MAPK4: variants seen among roughly 807,000 people sequenced by gnomAD.
MAPK4 encodes the protein mitogen-activated protein kinase 4.
A neutral mutation model predicts 47.7 loss-of-function variants in MAPK4; 22 were observed. That is an observed-to-expected ratio of 0.46 (90% CI 0.33 to 0.66). MAPK4 has a LOEUF of 0.66. Among genes scored for constraint, MAPK4 ranks in the 30% least tolerant of loss-of-function variants. MAPK4 has a pLI of 0.02. For missense variants in MAPK4, 736 were observed against 831.7 expected (o/e 0.88, Z 1.42); for synonymous variants, 390 against 365.7 (o/e 1.07, Z -0.76).
Position 50,676,662 on chromosome 18 carries a change from A to G in MAPK4, c.546+12158A>G, listed in dbSNP as rs550346478. On this transcript the variant is annotated intron_variant, in intron 2 of 5. Transcript: ENST00000400384. ...ACATCACCACTTTAGAGAGAACCCA[A>G]TGCATGAAAATCTAAACTTACAAAA... Among the ~76,000 whole-genome samples the G allele has an allele frequency of 3.3e-5, 5 of 152,352 alleles. No homozygotes were observed. In the East Asian group the frequency reaches 7.7e-4, roughly 23 times the overall value.
At chr18:50,709,723 A>G (rs1474945138) in intron 2 of MAPK4, among the ~76,000 whole-genome samples, 1 of 151,946 alleles carries the variant, frequency 6.6e-6, no homozygotes, top group African/African-American at 2.4e-5. Context: ...GGAGCCAGAC[A>G]CCCCTGACCA....
intron 1 of MAPK4, among the ~76,000 whole-genome samples, chr18:50,640,534 G>A (rs750720195): frequency 6.6e-6 from 1 of 151,958 alleles, no homozygotes; most frequent in Non-Finnish European, 1.5e-5. Flanking sequence ...CACGATCTCA[G>A]CTCTCACTGA....
chr18:50,683,234 C>T (rs775272220), intron 2 of MAPK4, among the ~76,000 whole-genome samples: 1 of 152,092 alleles, frequency 6.6e-6, no homozygotes. Flanking sequence ...ATTCTCCTGC[C>T]TCAGCCTCCC....
At chr18:50,712,738 T>C (rs988532745) in intron 2 of MAPK4, among the ~76,000 whole-genome samples, 1 of 152,140 alleles carries the variant, frequency 6.6e-6, no homozygotes, top group African/African-American at 2.4e-5. Context: ...AGATGTCAAT[T>C]CCAGACCATT....
At chr18:50,650,827 T>C (rs1468171136) in intron 1 of MAPK4, among the ~76,000 whole-genome samples, 1 of 152,234 alleles carries the variant, frequency 6.6e-6, no homozygotes, top group Non-Finnish European at 1.5e-5. Flanking sequence ...AAGTTATTAC[T>C]TAATTATTTG....
At chr18:50,590,885 G>C (rs2042430941) in intron 1 of MAPK4, among the ~76,000 whole-genome samples, 1 of 152,164 alleles carries the variant, frequency 6.6e-6, no homozygotes, top group Admixed American at 6.5e-5. Context: ...GCATATCATA[G>C]GCATTTAGGA....
intron 2 of MAPK4, among the ~76,000 whole-genome samples, chr18:50,679,552 C>T (rs1908464684): frequency 6.6e-6 from 1 of 152,092 alleles, no homozygotes; most frequent in South Asian, 2.1e-4. Flanking sequence ...TAGATGAGCA[C>T]AAAGGAGCCC....
chr18:50,648,340 G>C (rs530206226), intron 1 of MAPK4, among the ~76,000 whole-genome samples: 1 of 152,150 alleles, frequency 6.6e-6, no homozygotes, highest in Non-Finnish European at 1.5e-5. Flanking sequence ...GCTGTGGTGT[G>C]GGGGGCAGCC....
intron 1 of MAPK4, among the ~76,000 whole-genome samples, chr18:50,572,990 A>G (rs982991867): frequency 1.3e-5 from 2 of 152,218 alleles, no homozygotes; most frequent in African/African-American, 4.8e-5. Flanking sequence ...ATAGCTGTCT[A>G]TACAGGGGAC....
chr18:50,689,661 G>A (rs1315879367), intron 2 of MAPK4, among the ~76,000 whole-genome samples: 1 of 152,180 alleles, frequency 6.6e-6, no homozygotes, highest in Non-Finnish European at 1.5e-5. Flanking sequence ...CACTTTGAGA[G>A]AATCGCTTGA....
chr18:50,645,390 C>T (rs999539525), intron 1 of MAPK4, among the ~76,000 whole-genome samples: 2 of 152,106 alleles, frequency 1.3e-5, no homozygotes, highest in Admixed American at 6.5e-5. Context: ...AATGACAGCA[C>T]CATGAGCTCT....
intron 2 of MAPK4, among the ~76,000 whole-genome samples, chr18:50,700,660 A>G (rs1909740789): frequency 6.6e-6 from 1 of 152,184 alleles, no homozygotes; most frequent in South Asian, 2.1e-4. Flanking sequence ...TCCCCTCCTC[A>G]GAGCCGCACC....
chr18:50,703,667 G>C (rs754356437), intron 2 of MAPK4, among the ~76,000 whole-genome samples: 2 of 152,144 alleles, frequency 1.3e-5, no homozygotes, highest in African/African-American at 4.8e-5. Flanking sequence ...GAGAAAGACT[G>C]GTCCCCATGA....
chr18:50,629,027 A>C (rs940660017), intron 1 of MAPK4, among the ~76,000 whole-genome samples: 3 of 152,258 alleles, frequency 2.0e-5, no homozygotes, highest in African/African-American at 7.2e-5. Flanking sequence ...GCCTTGTGGT[A>C]TACCTAATGC....
chr18:50,693,704 T>C (rs1909356222), intron 2 of MAPK4, among the ~76,000 whole-genome samples: 1 of 152,140 alleles, frequency 6.6e-6, no homozygotes, highest in Admixed American at 6.5e-5. Context: ...TTTCCGTGGG[T>C]TTGTTTCCAC....
chr18:50,708,533 T>A (rs1910179100), intron 2 of MAPK4, among the ~76,000 whole-genome samples: 1 of 152,170 alleles, frequency 6.6e-6, no homozygotes, highest in South Asian at 2.1e-4. Context: ...AGAAATGGAA[T>A]CTGCGCTTAA....
chr18:50,707,860 G>A (rs1455370015), intron 2 of MAPK4, among the ~76,000 whole-genome samples: 1 of 152,218 alleles, frequency 6.6e-6, no homozygotes, highest in African/African-American at 2.4e-5. Context: ...AAGAGATGGT[G>A]AATTTCAGGA....
At chr18:50,660,597 TGTATG>T (rs959196011) in intron 1 of MAPK4, among the ~76,000 whole-genome samples, 14 of 152,216 alleles carry the variant, frequency 9.2e-5, no homozygotes, top group Non-Finnish European at 1.2e-4. Context: ...CCCAGGCTAA[TGTATG>T]GTAAATGCCA....
chr18:50,605,737 C>T (rs544246240), intron 1 of MAPK4, among the ~76,000 whole-genome samples: 23 of 152,276 alleles, frequency 1.5e-4, no homozygotes, highest in Non-Finnish European at 2.5e-4. Flanking sequence ...AGCCTCCTTC[C>T]GGGGCAGGCC....
Sources: gnomAD v4.1 joint callset for allele counts (sites outside exome capture counted in the v4.1 genomes callset) on GRCh38, gnomAD v4.1.1 for gene constraint, MANE v1.5 for transcripts, NCBI Gene and HGNC (gene_info 2026-07-23, HGNC 2026-07-21) for gene names.